IMPG1: variants seen among roughly 807,000 people sequenced by gnomAD.
The protein encoded by IMPG1 is interphotoreceptor matrix proteoglycan of 150 kDa.
A neutral mutation model predicts 92.0 loss-of-function variants in IMPG1; 85 were observed. The ratio of observed to expected loss-of-function variants is 0.92; its 90% CI spans 0.78 to 1.11. The LOEUF (loss-of-function observed/expected upper bound fraction) is 1.11. IMPG1 is among the 50% of genes least tolerant of loss of function. The probability of loss-of-function intolerance (pLI) is 0.00; values close to 1 mark genes in which losing one functional copy is unlikely to be tolerated. For missense variants in IMPG1, 1,022 were observed against 956.0 expected (o/e 1.07, Z -0.91); for synonymous variants, 367 against 334.1 (o/e 1.10, Z -1.08).
intron 7 of IMPG1, among the ~76,000 whole-genome samples, chr6:76,015,800 C>CAAAAAAAAA (rs35389302): frequency 9.9e-4 from 66 of 66,636 alleles, no homozygotes; most frequent in Non-Finnish European, 1.2e-3. Context: ...AACTCTGTCT[C>CAAAAAAAAA]AAAAAAAAAA....
At chr6:75,925,665 T>TTTTG (rs1245732754) in intron 15 of IMPG1, among the ~76,000 whole-genome samples, 3 of 89,258 alleles carry the variant, frequency 3.4e-5, no homozygotes, top group Non-Finnish European at 4.6e-5. Flanking sequence ...TATCTGTGTT[T>TTTTG]TTTATTTGTT....
intron 12 of IMPG1, among the ~76,000 whole-genome samples, chr6:75,960,315 G>A (rs536571344): frequency 7.1e-4 from 108 of 152,144 alleles, no homozygotes; most frequent in Non-Finnish European, 1.3e-3. Flanking sequence ...GTTCCTATTC[G>A]GCCATCTTGC....
chr6:75,949,938 C>A, intron 13 of IMPG1, among the ~76,000 whole-genome samples: 1 of 152,104 alleles, frequency 6.6e-6, no homozygotes, highest in Non-Finnish European at 1.5e-5. Flanking sequence ...AGAGGTATTA[C>A]ATAGTTCAAC....
intron 12 of IMPG1, among the ~76,000 whole-genome samples, chr6:75,967,573 G>A (rs531690297): frequency 6.6e-5 from 10 of 152,214 alleles, no homozygotes; most frequent in African/African-American, 2.4e-4. Context: ...CCAGTATGAG[G>A]TATTTAGTTA....
intron 15 of IMPG1, among the ~76,000 whole-genome samples, chr6:75,929,098 G>A (rs1781616643): frequency 6.6e-6 from 1 of 152,128 alleles, no homozygotes; most frequent in African/African-American, 2.4e-5. Flanking sequence ...TGGTGCACAG[G>A]TACAACTATT....
At chr6:76,058,616 C>T (rs1016762740) in intron 1 of IMPG1, among the ~76,000 whole-genome samples, 1 of 152,148 alleles carries the variant, frequency 6.6e-6, no homozygotes, top group Non-Finnish European at 1.5e-5. Context: ...ACAGCTTCTG[C>T]TCTTAACTAC....
intron 12 of IMPG1, among the ~76,000 whole-genome samples, chr6:75,990,448 A>G (rs762720556): frequency 6.6e-6 from 1 of 152,138 alleles, no homozygotes; most frequent in Non-Finnish European, 1.5e-5. Flanking sequence ...GGACCTATTT[A>G]AAGATGAAAC....
intron 12 of IMPG1, among the ~76,000 whole-genome samples, chr6:75,961,259 C>T (rs1782209240): frequency 1.3e-5 from 2 of 152,192 alleles, no homozygotes; most frequent in Admixed American, 6.5e-5. Flanking sequence ...GAAGAGATTC[C>T]ATCCAACTCC....
chr6:75,974,392 T>TTC (rs1782490286), intron 12 of IMPG1, among the ~76,000 whole-genome samples: 3 of 59,524 alleles, frequency 5.0e-5, no homozygotes, highest in Non-Finnish European at 1.0e-4. Context: ...TCTTTCTTTC[T>TTC]TTTCTTTCTT....
intron 1 of IMPG1, among the ~76,000 whole-genome samples, chr6:76,064,826 A>T (rs970372508): frequency 6.6e-6 from 1 of 152,092 alleles, no homozygotes; most frequent in Admixed American, 6.5e-5. Context: ...TGGCCTGGAG[A>T]TGGAACTGCA....
At chr6:75,978,684 A>G (rs1782577212) in intron 12 of IMPG1, among the ~76,000 whole-genome samples, 1 of 152,222 alleles carries the variant, frequency 6.6e-6, no homozygotes, top group African/African-American at 2.4e-5. Context: ...AACAAAAATT[A>G]TTGAATATCT....
At chr6:75,940,852 C>T (rs573740416) in intron 14 of IMPG1, among the ~76,000 whole-genome samples, 1 of 152,158 alleles carries the variant, frequency 6.6e-6, no homozygotes, top group Non-Finnish European at 1.5e-5. Flanking sequence ...GCATTTTCCT[C>T]TTGCATCTTC....
chr6:76,070,708 A>G (rs1303228856), intron 1 of IMPG1, among the ~76,000 whole-genome samples: 2 of 152,096 alleles, frequency 1.3e-5, no homozygotes, highest in Non-Finnish European at 2.9e-5. Context: ...TGAAATAACT[A>G]AGAAACAGAA....
chr6:76,011,121 A>C (rs1442596244), intron 8 of IMPG1, 45 bp downstream of exon 8: 5 of 1,036,838 alleles, frequency 4.8e-6, no homozygotes, highest in Non-Finnish European at 7.5e-6. Flanking sequence ...AAGGATAGGA[A>C]GAAAGTAATT....
At chr6:76,002,393 T>C (rs1783007482) in intron 12 of IMPG1, among the ~76,000 whole-genome samples, 1 of 152,228 alleles carries the variant, frequency 6.6e-6, no homozygotes, top group African/African-American at 2.4e-5. Flanking sequence ...ACTTCAGTGT[T>C]TACTGATATT....
intron 14 of IMPG1, among the ~76,000 whole-genome samples, chr6:75,946,598 G>T (rs369876876): frequency 6.6e-6 from 1 of 152,042 alleles, no homozygotes; most frequent in African/African-American, 2.4e-5. Context: ...GTCACAGCTG[G>T]TTACAATGGT....
intron 2 of IMPG1, among the ~76,000 whole-genome samples, 190 bp downstream of exon 2, chr6:76,041,703 A>C (rs1048330950): frequency 2.6e-5 from 4 of 152,228 alleles, no homozygotes; most frequent in African/African-American, 9.6e-5. Context: ...TTTAAACCAT[A>C]AGAGCTGATA....
chr6:76,044,746 G>T (rs1783907615), intron 1 of IMPG1, among the ~76,000 whole-genome samples: 1 of 151,998 alleles, frequency 6.6e-6, no homozygotes, highest in African/African-American at 2.4e-5. Flanking sequence ...ATCAGGGTAG[G>T]TAACTTGACT....
intron 12 of IMPG1, among the ~76,000 whole-genome samples, chr6:75,962,446 A>T (rs2149462208): frequency 6.6e-6 from 1 of 152,230 alleles, no homozygotes; most frequent in African/African-American, 2.4e-5. Context: ...AGCTTTATTA[A>T]GGCATAATTG....
Sources: allele counts gnomAD v4.1 joint callset (sites outside exome capture counted in the v4.1 genomes callset), GRCh38; gene constraint gnomAD v4.1.1; transcripts MANE v1.5; gene names NCBI Gene and HGNC (gene_info 2026-07-23, HGNC 2026-07-21).